EPRS1: variants seen among roughly 807,000 people sequenced by gnomAD.
EPRS1 encodes glutamyl-prolyl-tRNA synthetase 1, also known as bifunctional glutamate/proline--tRNA ligase.
In EPRS1, 107 loss-of-function variants were observed where a neutral mutation model predicts 188.3. The observed-to-expected ratio is 0.57, with a 90% CI of 0.49 to 0.67. EPRS1 has a LOEUF of 0.67. EPRS1 is among the 30% of genes least tolerant of loss of function. The pLI, the probability that EPRS1 is intolerant of heterozygous loss-of-function variation, is 0.00. For synonymous variants in EPRS1, 596 were observed against 593.1 expected (o/e 1.00, Z -0.07); for missense variants, 1,577 against 1,802.2 (o/e 0.88, Z 2.26).
intron 2 of EPRS1, among the ~76,000 whole-genome samples, chr1:220,036,675 G>T (rs1662186633): frequency 6.6e-6 from 1 of 152,118 alleles, no homozygotes; most frequent in Admixed American, 6.6e-5. Context: ...AGACACTGGG[G>T]CTTGAGGGTG....
intron 28 of EPRS1, among the ~76,000 whole-genome samples, chr1:219,977,952 G>A (rs1303431161): frequency 6.6e-6 from 1 of 152,006 alleles, no homozygotes; most frequent in Non-Finnish European, 1.5e-5. Flanking sequence ...CCCTCTTTCA[G>A]CATAAGAAAA....
At position 219,997,097 on chromosome 1, in the gene EPRS1, T is replaced by C. The variant is rs1386561813; in HGVS notation, c.2427A>G (p.Gly809=). ...CTGAGGAATTAGAAGAAATATTCTG[T>C]CCTATTTCAGCAGGAGGGTTTCCAG... is the stretch of plus-strand genomic sequence containing the variant. ...YKPGNPPAEI[G]QNISSNSSAS... Residue 809 remains glycine, a synonymous_variant, in exon 18 of 32, where the codon GGA becomes GGG. Coordinates refer to ENST00000366923, the MANE Select transcript of EPRS1 (RefSeq NM_004446.3). 6.2e-7 allele frequency: 1 copy of C among 1,614,088 alleles called. No homozygotes were observed. Among genetic ancestry groups the C allele is most frequent in the Non-Finnish European group, 8.5e-7 (1 of 1,179,968 alleles).
At chr1:220,013,345 A>G (rs970074040) in intron 12 of EPRS1, among the ~76,000 whole-genome samples, 3 of 152,252 alleles carry the variant, frequency 2.0e-5, no homozygotes, top group Non-Finnish European at 4.4e-5. Flanking sequence ...AACAAGGATC[A>G]CGGTATTGTC....
chr1:219,997,524 C>A (rs576757347), intron 17 of EPRS1, among the ~76,000 whole-genome samples, 182 bp from the exon 18 acceptor site: 1 of 152,014 alleles, frequency 6.6e-6, no homozygotes, highest in East Asian at 1.9e-4. Flanking sequence ...AAATGACAGG[C>A]GTAAACAAAG....
intron 18 of EPRS1, among the ~76,000 whole-genome samples, chr1:219,992,037 T>C (rs1278013775): frequency 2.0e-5 from 3 of 152,192 alleles, no homozygotes; most frequent in Non-Finnish European, 4.4e-5. Context: ...AAGAAAAAGA[T>C]AGGCTTTTTT....
chr1:220,006,055 A>G, intron 15 of EPRS1, 51 bp downstream of exon 15: 1 of 1,083,934 alleles, frequency 9.2e-7, no homozygotes, highest in Non-Finnish European at 1.3e-6. Flanking sequence ...TAATTTTTTT[A>G]ATTCTAAAGG....
intron 6 of EPRS1, among the ~76,000 whole-genome samples, chr1:220,028,039 G>T (rs1199399708): frequency 1.1e-4 from 16 of 151,966 alleles, no homozygotes; most frequent in Admixed American, 1.0e-3. Flanking sequence ...GAAAAACTGG[G>T]TGCAGGGTAC....
intron 4 of EPRS1, among the ~76,000 whole-genome samples, chr1:220,032,906 A>G (rs960489118): frequency 6.6e-6 from 1 of 152,136 alleles, no homozygotes; most frequent in Non-Finnish European, 1.5e-5. Flanking sequence ...ATACACACAC[A>G]TATATATGTC....
chr1:220,000,307 G>A (rs939385580), intron 17 of EPRS1, among the ~76,000 whole-genome samples: 2 of 152,192 alleles, frequency 1.3e-5, no homozygotes, highest in Non-Finnish European at 2.9e-5. Flanking sequence ...ATAATATATA[G>A]TAGCAATTTT....
chr1:219,979,228 AGAGT>A (rs1660844298), intron 27 of EPRS1, among the ~76,000 whole-genome samples, 186 bp downstream of exon 27: 1 of 152,258 alleles, frequency 6.6e-6, no homozygotes. Context: ...AAAAATTAAA[AGAGT>A]AAGAAACAAT....
chr1:220,033,320 G>A (rs896195125), intron 4 of EPRS1, among the ~76,000 whole-genome samples, 182 bp downstream of exon 4: 10 of 152,110 alleles, frequency 6.6e-5, no homozygotes, highest in East Asian at 1.9e-4. Flanking sequence ...GGGAATTCCC[G>A]TAGCTGGATA....
intron 1 of EPRS1, among the ~76,000 whole-genome samples, chr1:220,042,771 A>G (rs1020257301): frequency 3.3e-5 from 5 of 151,734 alleles, no homozygotes; most frequent in African/African-American, 1.2e-4. Flanking sequence ...AATACAAAAA[A>G]TTAGCTGGGC....
At chr1:219,987,603 C>A (rs530727303) in intron 19 of EPRS1, among the ~76,000 whole-genome samples, 199 bp from the exon 20 acceptor site, 9 of 151,594 alleles carry the variant, frequency 5.9e-5, no homozygotes, top group Admixed American at 3.9e-4. Context: ...CACTTAGGAA[C>A]TACAAAAGGA....
chr1:219,984,620 G>A (rs891720247), intron 20 of EPRS1, among the ~76,000 whole-genome samples: 12 of 152,066 alleles, frequency 7.9e-5, no homozygotes, highest in Admixed American at 3.9e-4. Flanking sequence ...GCAGGGTCTC[G>A]CTATGTTGCC....
chr1:220,029,197 T>C (rs185071538), intron 6 of EPRS1, among the ~76,000 whole-genome samples: 4 of 152,226 alleles, frequency 2.6e-5, no homozygotes, highest in Non-Finnish European at 5.9e-5. Flanking sequence ...AGCAGAATAC[T>C]AGATGGTAGG....
intron 6 of EPRS1, among the ~76,000 whole-genome samples, chr1:220,027,255 T>C (rs1661993535): frequency 6.6e-6 from 1 of 151,910 alleles, no homozygotes; most frequent in Admixed American, 6.6e-5. Context: ...AAACCCCGTC[T>C]CTACTAAAAA....
intron 4 of EPRS1, among the ~76,000 whole-genome samples, chr1:220,032,915 T>C (rs1332342289): frequency 1.3e-5 from 2 of 152,164 alleles, no homozygotes; most frequent in Non-Finnish European, 2.9e-5. Flanking sequence ...CATATATATG[T>C]CAAAATTTAT....
intron 18 of EPRS1, among the ~76,000 whole-genome samples, chr1:219,991,902 G>C (rs573780595): frequency 1.6e-4 from 24 of 152,156 alleles, no homozygotes; most frequent in Non-Finnish European, 2.4e-4. Flanking sequence ...GAAGTATCCT[G>C]AACCATAATC....
chr1:220,035,665 C>T (rs1245302525), intron 2 of EPRS1, among the ~76,000 whole-genome samples: 1 of 151,296 alleles, frequency 6.6e-6, no homozygotes, highest in Non-Finnish European at 1.5e-5. Flanking sequence ...CCCGTCTCTA[C>T]TAAAAACACA....
Sources: gnomAD v4.1 joint callset for allele counts (sites outside exome capture counted in the v4.1 genomes callset) on GRCh38, gnomAD v4.1.1 for gene constraint, MANE v1.5 for transcripts, NCBI Gene and HGNC (gene_info 2026-07-23, HGNC 2026-07-21) for gene names.